KDM7A: variants seen among roughly 807,000 people sequenced by gnomAD.
The protein encoded by KDM7A is lysine demethylase 7A.
KDM7A carries 28 observed loss-of-function variants against 114.8 expected under a neutral mutation model. The ratio of observed to expected loss-of-function variants is 0.24; its 90% CI spans 0.18 to 0.33. KDM7A has a LOEUF of 0.33. Among genes scored for constraint, KDM7A ranks in the 10% least tolerant of loss-of-function variants. KDM7A has a pLI of 1.00. For synonymous variants in KDM7A, 423 were observed against 397.8 expected (o/e 1.06, Z -0.75); for missense variants, 942 against 1,142.5 (o/e 0.82, Z 2.53).
Position 140,125,805 on chromosome 7 carries a change from G to A in KDM7A, c.888+832C>T, listed in dbSNP as rs146558954. ...GGCTGGAGTGCAGTGGAGTGATCACGGCACACTGCAGCCTCAACTTCCTGG... is the reference window on the plus strand; with the variant it reads ...GGCTGGAGTGCAGTGGAGTGATCACAGCACACTGCAGCCTCAACTTCCTGG... On this transcript the variant is annotated intron_variant, in intron 6 of 19. Coordinates refer to ENST00000397560, the MANE Select transcript of KDM7A (RefSeq NM_030647.2). 5.0e-3 allele frequency among the ~76,000 whole-genome samples: 731 copies of A among 145,044 alleles called. 8 individuals carry two copies. The highest frequency in any genetic ancestry group is 0.017 in the African/African-American group (646 of 39,088).
rs147326724 is a variant in KDM7A at position 140,102,702 on chromosome 7, G to A, written c.1429-542C>T. 8.1e-3 allele frequency among the ~76,000 whole-genome samples: 1,227 copies of A among 152,224 alleles called. 6 individuals carry two copies. The highest frequency in any genetic ancestry group is 0.017 in the Middle Eastern group (5 of 294). Reference sequence around the variant, plus strand: ...CTTGATTTTCAATATCTTATTAAAGGCTGTGTTGCATTCCACTGTTAATTT... The same window carrying A: ...CTTGATTTTCAATATCTTATTAAAGACTGTGTTGCATTCCACTGTTAATTT... On this transcript the variant is annotated intron_variant, in intron 11 of 19. Coordinates refer to ENST00000397560, the MANE Select transcript of KDM7A (RefSeq NM_030647.2).
At chr7:140,129,717 G>A (rs968871255) in intron 3 of KDM7A, 64 bp from the exon 4 acceptor site, 36 of 957,972 alleles carry the variant, frequency 3.8e-5, no homozygotes, top group Non-Finnish European at 5.0e-5. Context: ...AAAAAAATAC[G>A]GTAGTGATGG....
intron 3 of KDM7A, among the ~76,000 whole-genome samples, chr7:140,132,454 T>C (rs1200972526): frequency 6.6e-6 from 1 of 152,170 alleles, no homozygotes; most frequent in Non-Finnish European, 1.5e-5. Context: ...CAACTGACTC[T>C]AAATTATACA....
In KDM7A at chr7:140,176,671, G is replaced by A. The variant is rs1225305835; in HGVS notation, c.194+73C>T. 5 of 1,015,586 alleles carry A rather than the reference G, an allele frequency of 4.9e-6. No homozygotes were observed. The highest frequency in any genetic ancestry group is 9.4e-5 in the East Asian group (1 of 10,630). The allele number at this position is 1,015,586 out of a possible 1,614,324, so 62.9% of individuals were successfully genotyped here. A position where few individuals can be genotyped will look rare whatever the true frequency, so the allele number is the denominator to read the frequency against. Reference sequence around the variant, plus strand: ...CGGCGGCCCGGCCCGAGGGAGGCGCGGGCGGCCGGCGGCGGCGGCGGTTGG... The same window carrying A: ...CGGCGGCCCGGCCCGAGGGAGGCGCAGGCGGCCGGCGGCGGCGGCGGTTGG... On this transcript the variant is annotated intron_variant, in intron 1 of 19. Transcript: ENST00000397560. The surrounding 1 kb of genome is among the most constrained non-coding windows in gnomAD (Gnocchi z 4.4).
intron 11 of KDM7A, among the ~76,000 whole-genome samples, chr7:140,106,002 C>G (rs980069350): frequency 6.6e-6 from 1 of 152,056 alleles, no homozygotes; most frequent in Non-Finnish European, 1.5e-5. Flanking sequence ...TCAACTTCTT[C>G]CTGGTTTAGT....
At position 140,097,616 on chromosome 7, in the gene KDM7A, G is replaced by T; in HGVS notation, c.1945C>A (p.Leu649Ile). ...NGFFTRVKSELRSRSSGYSDI... is the reference protein window; with the variant it reads ...NGFFTRVKSEIRSRSSGYSDI... ...GAATATCCTGATGATCTACTCCTGA[G>T]TTCTGATTTCACACGTGTAAAAAAC... Residue 649 changes from leucine (L) to isoleucine (I), a missense_variant, in exon 15 of 20, where the codon CTC becomes ATC. Leu to Ile is a conservative substitution (Grantham distance 5). Coordinates refer to ENST00000397560, the MANE Select transcript of KDM7A (RefSeq NM_030647.2). 6.2e-7 allele frequency: 1 copy of T among 1,604,752 alleles called. No individual in the cohort carries two copies. The highest frequency in any genetic ancestry group is 8.5e-7 in the Non-Finnish European group (1 of 1,171,654).
At chr7:140,171,895 T>C (rs1041493852) in intron 1 of KDM7A, among the ~76,000 whole-genome samples, 9 of 152,140 alleles carry the variant, frequency 5.9e-5, no homozygotes, top group Non-Finnish European at 1.2e-4. Context: ...TTTATGACTA[T>C]ACTATAATAT....
chr7:140,113,334 G>A (rs1562949707), intron 10 of KDM7A, among the ~76,000 whole-genome samples, 157 bp downstream of exon 10: 2 of 152,208 alleles, frequency 1.3e-5, no homozygotes, highest in Admixed American at 6.5e-5. Flanking sequence ...CAGTACATTT[G>A]TATATACTGA....
chr7:140,092,652 G>A (rs1289403934), intron 18 of KDM7A, among the ~76,000 whole-genome samples: 1 of 152,022 alleles, frequency 6.6e-6, no homozygotes, highest in Non-Finnish European at 1.5e-5. Context: ...TAACTGAGAG[G>A]GTTATAACCA....
At chr7:140,146,113 T>C (rs1794337678) in intron 1 of KDM7A, among the ~76,000 whole-genome samples, 1 of 152,216 alleles carries the variant, frequency 6.6e-6, no homozygotes, top group Non-Finnish European at 1.5e-5. Context: ...CATAGCTCCA[T>C]TTATTTTGAA....
At chr7:140,112,786 A>C (rs1363467970) in intron 10 of KDM7A, among the ~76,000 whole-genome samples, 1 of 152,244 alleles carries the variant, frequency 6.6e-6, no homozygotes, top group Non-Finnish European at 1.5e-5. Context: ...ATTACTTTAT[A>C]AACATTTGTT....
chr7:140,114,866 T>A (rs565869230), intron 9 of KDM7A, among the ~76,000 whole-genome samples: 74 of 108,828 alleles, frequency 6.8e-4, no homozygotes, highest in Non-Finnish European at 1.3e-3. Context: ...AGCCGCCCCG[T>A]CTGAGAAGTG....
chr7:140,157,215 T>G (rs981338030), intron 1 of KDM7A, among the ~76,000 whole-genome samples: 3 of 152,232 alleles, frequency 2.0e-5, no homozygotes, highest in African/African-American at 7.2e-5. Flanking sequence ...AAATAATTAT[T>G]TTTAGCAACT....
intron 4 of KDM7A, among the ~76,000 whole-genome samples, chr7:140,128,075 G>C (rs562734745): frequency 2.6e-5 from 4 of 152,042 alleles, no homozygotes; most frequent in African/African-American, 4.8e-5. Flanking sequence ...AGTTGACCAG[G>C]ATAATTTCTG....
chr7:140,105,014 T>G (rs1038570588), intron 11 of KDM7A, among the ~76,000 whole-genome samples: 1 of 152,224 alleles, frequency 6.6e-6, no homozygotes, highest in Non-Finnish European at 1.5e-5. Flanking sequence ...ACATCGCTTG[T>G]AAATCGGATT....
At position 140,099,096 on chromosome 7, in the gene KDM7A, T is replaced by C. The variant is rs1241124478; in HGVS notation, c.1764-63A>G. ...AGACTCTGTAGCCAAACAGTATTTA[T>C]TCCCCTCTCCCTTAATTTACAAAGA... On this transcript the variant is annotated intron_variant, in intron 13 of 19. Transcript: ENST00000397560. The C allele has an allele frequency of 4.9e-6, 6 of 1,212,890 alleles. No homozygotes were observed. The East Asian group carries it at 9.3e-5, about 19-fold the overall frequency. 75.1% of individuals were successfully genotyped at this position (1,212,890 alleles called of 1,614,324 possible).
At chr7:140,136,862 C>A (rs1223106122) in intron 2 of KDM7A, among the ~76,000 whole-genome samples, 1 of 152,152 alleles carries the variant, frequency 6.6e-6, no homozygotes. Flanking sequence ...TGGCACACAA[C>A]CGTAATCCCA....
intron 19 of KDM7A, 30 bp downstream of exon 19, chr7:140,091,774 A>C (rs149725082): frequency 1.0e-4 from 160 of 1,605,820 alleles, no homozygotes; most frequent in Middle Eastern, 1.7e-4. Flanking sequence ...AGTCAGAAAT[A>C]TACTTTCTCT....
chr7:140,125,463 T>C (rs958422145), intron 6 of KDM7A, among the ~76,000 whole-genome samples: 2 of 152,258 alleles, frequency 1.3e-5, no homozygotes, highest in Non-Finnish European at 2.9e-5. Context: ...TTAATTACAT[T>C]CCATTTTAAT....
Sources: gnomAD v4.1 joint callset for allele counts (sites outside exome capture counted in the v4.1 genomes callset) on GRCh38, gnomAD v4.1.1 for gene constraint, Gnocchi (gnomAD v3.1) non-coding constraint, MANE v1.5 for transcripts, NCBI Gene and HGNC (gene_info 2026-07-23, HGNC 2026-07-21) for gene names.